ARHGAP39: variants seen among roughly 807,000 people sequenced by gnomAD.
ARHGAP39 encodes Rho GTPase activating protein 39, also known as rho GTPase-activating protein 39.
A neutral mutation model predicts 106.9 loss-of-function variants in ARHGAP39; 44 were observed. The ratio of observed to expected loss-of-function variants is 0.41; its 90% CI spans 0.32 to 0.53. The LOEUF (loss-of-function observed/expected upper bound fraction) is 0.53. Among genes scored for constraint, ARHGAP39 ranks in the 20% least tolerant of loss-of-function variants. ARHGAP39 has a pLI of 0.21. For synonymous variants in ARHGAP39, 768 were observed against 693.2 expected, an observed-to-expected ratio of 1.11 and a Z score of -1.69; for missense variants, 1,496 against 1,577.3, an observed-to-expected ratio of 0.95 and a Z score of 0.87.
At chr8:144,686,049 C>T (rs868451693), upstream of ARHGAP39, among the ~76,000 whole-genome samples, 5 of 151,862 alleles carry the variant, frequency 3.3e-5, no homozygotes, top group Non-Finnish European at 5.9e-5. Context: ...CGTCGCCGCG[C>T]CAGAGGCCTC....
intron 6 of ARHGAP39, among the ~76,000 whole-genome samples, 184 bp downstream of exon 6, chr8:144,545,064 TG>T (rs945416550): frequency 2.0e-5 from 3 of 152,136 alleles, no homozygotes; most frequent in African/African-American, 7.2e-5. Flanking sequence ...AGTGCCCAGG[TG>T]GGGCTCCAGG....
chr8:144,552,400 C>T (rs555597164), intron 4 of ARHGAP39, among the ~76,000 whole-genome samples: 26 of 152,398 alleles, frequency 1.7e-4, no homozygotes, highest in African/African-American at 6.0e-4. Context: ...CAGCAGCCGA[C>T]AGGCTCCCAA....
intron 3 of ARHGAP39, among the ~76,000 whole-genome samples, chr8:144,575,479 T>A (rs1231171537): frequency 6.7e-6 from 1 of 149,950 alleles, no homozygotes; most frequent in Admixed American, 6.6e-5. Flanking sequence ...ACTGACTTTT[T>A]GTTACAAACT....
intron 1 of ARHGAP39, among the ~76,000 whole-genome samples, chr8:144,617,897 TCA>T (rs755697460): frequency 1.6e-4 from 25 of 152,244 alleles, no homozygotes; most frequent in African/African-American, 3.4e-4. Flanking sequence ...TGCTCCAGCC[TCA>T]GTCTCCTGAG....
intron 1 of ARHGAP39, among the ~76,000 whole-genome samples, chr8:144,678,386 G>A (rs865908472): frequency 2.0e-5 from 3 of 152,172 alleles, no homozygotes; most frequent in Non-Finnish European, 2.9e-5. Flanking sequence ...AGAGCACTAC[G>A]AGAGGGGGTG....
intron 4 of ARHGAP39, among the ~76,000 whole-genome samples, chr8:144,552,339 C>T (rs943680394): frequency 2.0e-5 from 3 of 152,258 alleles, no homozygotes; most frequent in East Asian, 1.9e-4. Context: ...TCCTGAGAAG[C>T]GGCTGCTGTC....
intron 3 of ARHGAP39, among the ~76,000 whole-genome samples, chr8:144,556,396 C>T (rs116090872): frequency 0.011 from 1,660 of 152,136 alleles, 31 homozygotes; most frequent in African/African-American, 0.038. Context: ...GCGATTATCC[C>T]GACAGATATT....
intron 1 of ARHGAP39, among the ~76,000 whole-genome samples, chr8:144,660,118 A>T (rs575903326): frequency 6.6e-6 from 1 of 151,908 alleles, no homozygotes; most frequent in South Asian, 2.1e-4. Context: ...TCTGCCCCCG[A>T]CCCCTGGGTC....
Position 144,548,227 on chromosome 8 carries a change from G to A in ARHGAP39, c.859C>T (p.Pro287Ser), listed in dbSNP as rs556492721. 7 of 1,606,592 alleles carry A rather than the reference G, an allele frequency of 4.4e-6. No individual in the cohort carries two copies. Among genetic ancestry groups the A allele is most frequent in the Non-Finnish European group, 6.0e-6 (7 of 1,176,048 alleles). The change falls in exon 5 of 12, where the codon CCG (proline) becomes TCG (serine). Residue 287 changes from proline (P) to serine (S), a missense_variant. Around this residue, in one of 4 missense-constraint regions of ARHGAP39, gnomAD observed 905 missense variants for 816.4 expected, o/e 1.11. Transcript: ENST00000377307. The surrounding 1 kb of genome is among the most constrained non-coding windows in gnomAD (Gnocchi z 7.4). ...KRAELPGSSS[P>S]LLAQPRKPSG... ...GGCTTTCGGGGCTGGGCCAGCAGCG[G>A]GGAGCTGCTCCCTGGGAGCTCGGCC...
At chr8:144,634,850 G>A (rs1306192147) in intron 1 of ARHGAP39, among the ~76,000 whole-genome samples, 2 of 150,818 alleles carry the variant, frequency 1.3e-5, no homozygotes, top group Non-Finnish European at 3.0e-5. Flanking sequence ...TGGAACTCCA[G>A]GCCTCTGCAG....
At chr8:144,590,288 G>A (rs1819342856) in intron 2 of ARHGAP39, among the ~76,000 whole-genome samples, 1 of 152,232 alleles carries the variant, frequency 6.6e-6, no homozygotes, top group Non-Finnish European at 1.5e-5. Context: ...CTGACCACTG[G>A]TGATGACAGT....
intron 10 of ARHGAP39, 68 bp from the exon 11 acceptor site, chr8:144,530,939 G>A (rs1816677497): frequency 6.5e-7 from 1 of 1,538,468 alleles, no homozygotes; most frequent in Non-Finnish European, 8.7e-7. Flanking sequence ...GGGGTCCCGT[G>A]GCGGACATGC....
rs1431245137 is a variant in ARHGAP39, at chr8:144,679,727, TC to T, written c.-82+5958del. Among the ~76,000 whole-genome samples the T allele has an allele frequency of 6.6e-6, 1 of 152,186 alleles. No homozygotes were observed. Among genetic ancestry groups the T allele is most frequent in the Non-Finnish European group, 1.5e-5 (1 of 68,040 alleles). ...CGGGCGCAGTGTCTCACGCCTGTAA[TC>T]CCAGCACTTTGGGAGGCCAAGGCGG... On this transcript the variant is annotated intron_variant, in intron 1 of 11. Transcript: ENST00000377307. The surrounding 1 kb of genome is among the most constrained non-coding windows in gnomAD (Gnocchi z 4.7).
chr8:144,600,461 C>T (rs1369316300), intron 2 of ARHGAP39, among the ~76,000 whole-genome samples: 2 of 131,416 alleles, frequency 1.5e-5, no homozygotes, highest in Non-Finnish European at 3.1e-5. Context: ...CACTTGGGTA[C>T]CTACCTGCGT....
chr8:144,557,389 T>A (rs113914091), intron 3 of ARHGAP39, among the ~76,000 whole-genome samples: 10 of 96,424 alleles, frequency 1.0e-4, no homozygotes, highest in Admixed American at 4.5e-4. Context: ...TAGTATTCAG[T>A]GGCAAAAGGC....
intron 1 of ARHGAP39, among the ~76,000 whole-genome samples, chr8:144,664,726 A>AT: frequency 6.6e-6 from 1 of 151,638 alleles, no homozygotes; most frequent in East Asian, 1.9e-4. Flanking sequence ...CTTCTTCCTT[A>AT]TTTTTTCTTG....
intron 1 of ARHGAP39, among the ~76,000 whole-genome samples, chr8:144,610,414 T>TA (rs898048646): frequency 6.6e-6 from 1 of 150,950 alleles, no homozygotes; most frequent in Admixed American, 6.6e-5. Context: ...TTTGTACATT[T>TA]AAAAAAAAAA....
At chr8:144,562,650 T>G (rs867491577) in intron 3 of ARHGAP39, among the ~76,000 whole-genome samples, 7 of 150,958 alleles carry the variant, frequency 4.6e-5, no homozygotes, top group Middle Eastern at 3.4e-3. Flanking sequence ...GTGGTTACCA[T>G]CGGACTCCAG....
intron 1 of ARHGAP39, among the ~76,000 whole-genome samples, chr8:144,610,969 A>G (rs752668895): frequency 7.9e-5 from 12 of 151,974 alleles, no homozygotes; most frequent in Non-Finnish European, 1.5e-4. Flanking sequence ...GGCATATGCC[A>G]CCACACCTGG....
Sources: gnomAD v4.1 joint callset for allele counts (sites outside exome capture counted in the v4.1 genomes callset) on GRCh38, gnomAD v4.1.1 for gene constraint, gnomAD v4.1.1 regional missense constraint, Gnocchi (gnomAD v3.1) non-coding constraint, MANE v1.5 for transcripts, NCBI Gene and HGNC (gene_info 2026-07-23, HGNC 2026-07-21) for gene names.